SIAH2: variants seen among roughly 807,000 people sequenced by gnomAD.
The protein encoded by SIAH2 is E3 ubiquitin-protein ligase SIAH2.
In SIAH2, 4 loss-of-function variants were observed where a neutral mutation model predicts 20.4. The ratio of observed to expected loss-of-function variants is 0.20; its 90% CI spans 0.10 to 0.45. The LOEUF is 0.45. SIAH2 is among the 20% of genes least tolerant of loss of function. SIAH2 has a pLI of 0.99. For missense variants in SIAH2, 259 were observed against 440.3 expected (o/e 0.59, Z 3.69); for synonymous variants, 171 against 192.5 (o/e 0.89, Z 0.93).
At chr3:150,750,769 G>C (rs1047940769) in intron 1 of SIAH2, among the ~76,000 whole-genome samples, 1 of 152,138 alleles carries the variant, frequency 6.6e-6, no homozygotes, top group African/African-American at 2.4e-5. Flanking sequence ...GAAAACATGA[G>C]CACAGTTGTC....
intron 1 of SIAH2, among the ~76,000 whole-genome samples, chr3:150,753,351 C>T (rs1329640450): frequency 6.6e-6 from 1 of 152,200 alleles, no homozygotes; most frequent in African/African-American, 2.4e-5. Flanking sequence ...GCGGCCAACT[C>T]TGGCCTGACA....
intron 1 of SIAH2, among the ~76,000 whole-genome samples, chr3:150,749,316 T>C (rs563828542): frequency 5.1e-4 from 77 of 151,404 alleles, no homozygotes; most frequent in African/African-American, 1.8e-3. Context: ...CTGGGCAACA[T>C]AGGGAGACCC....
At chr3:150,761,759 A>G (rs1414179994) in intron 1 of SIAH2, among the ~76,000 whole-genome samples, 2 of 152,152 alleles carry the variant, frequency 1.3e-5, no homozygotes, top group Non-Finnish European at 1.5e-5. Flanking sequence ...AACTGTAACA[A>G]CAGCTCTTGA....
intron 1 of SIAH2, among the ~76,000 whole-genome samples, chr3:150,753,101 G>A (rs932858412): frequency 4.6e-5 from 7 of 152,216 alleles, no homozygotes; most frequent in Admixed American, 3.3e-4. Flanking sequence ...TCAACATGCA[G>A]CTGGTGCCAC....
chr3:150,750,344 T>C (rs1285913466), intron 1 of SIAH2, among the ~76,000 whole-genome samples: 1 of 152,220 alleles, frequency 6.6e-6, no homozygotes, highest in African/African-American at 2.4e-5. Flanking sequence ...TAATATTTGT[T>C]GATGAATGAA....
At chr3:150,744,665 G>A (rs1026788740) in intron 1 of SIAH2, among the ~76,000 whole-genome samples, 1 of 152,086 alleles carries the variant, frequency 6.6e-6, no homozygotes, top group Non-Finnish European at 1.5e-5. Flanking sequence ...ATAGCCCAGA[G>A]CCTGGCAGAG....
chr3:150,760,222 A>G (rs1440902962), intron 1 of SIAH2, among the ~76,000 whole-genome samples: 2 of 152,150 alleles, frequency 1.3e-5, no homozygotes, highest in African/African-American at 4.8e-5. Flanking sequence ...TTATTGATCA[A>G]CCAAAGGTGA....
Position 150,762,715 on chromosome 3 carries a change from C to A in SIAH2, c.135G>T (p.Ser45=). ...CCGCCGCCGCGGCGGGCACCGCGGA[C>A]GAGCCGGGGCCCGCAGCCGAGATGG... The part of the protein sequence containing the change: ...AATISAAGPG[S]SAVPAAAAVI... The change falls in exon 1 of 2, where the codon TCG becomes TCT. Residue 45 remains serine, a synonymous_variant. Coordinates refer to ENST00000312960, the MANE Select transcript of SIAH2 (RefSeq NM_005067.7). The surrounding 1 kb of genome is among the most constrained non-coding windows in gnomAD (Gnocchi z 6.6). The A allele has an allele frequency of 1.6e-6, 2 of 1,215,270 alleles. No homozygotes were observed. Among genetic ancestry groups the A allele is most frequent in the South Asian group, 3.9e-5 (1 of 25,930 alleles). 75.3% of individuals were successfully genotyped at this position (1,215,270 alleles called of 1,614,324 possible).
At chr3:150,745,685 C>A (rs1187629781) in intron 1 of SIAH2, among the ~76,000 whole-genome samples, 1 of 151,984 alleles carries the variant, frequency 6.6e-6, no homozygotes, top group African/African-American at 2.4e-5. Flanking sequence ...TTAGTAGAGA[C>A]GGGGTCTCAC....
In SIAH2 at chr3:150,762,857, C is replaced by A; in HGVS notation, c.-8G>T. On this transcript the variant is annotated 5_prime_UTR_variant, in exon 1 of 2. Transcript: ENST00000312960. This position sits in a 1 kb window ranked among gnomAD's most constrained non-coding sequence, Gnocchi z 6.6. ...GGAGGACGGGCGGCTCATCGCGCTCCGAACCAACCATGGAACTGCGGGCGC... is the reference window on the plus strand; with the variant it reads ...GGAGGACGGGCGGCTCATCGCGCTCAGAACCAACCATGGAACTGCGGGCGC... The A allele has an allele frequency of 8.3e-7, 1 of 1,202,582 alleles. No homozygotes were observed. Among genetic ancestry groups the A allele is most frequent in the Non-Finnish European group, 1.0e-6 (1 of 955,626 alleles). The allele number at this position is 1,202,582 out of a possible 1,614,324, so 74.5% of individuals were successfully genotyped here.
rs1436235778 is a variant in SIAH2, at chr3:150,762,664, G to C, written c.186C>G (p.Gly62=). 9.6e-6 allele frequency: 13 copies of C among 1,348,850 alleles called. No homozygotes were observed. Among genetic ancestry groups the C allele is most frequent in the South Asian group, 5.3e-5 (3 of 56,754 alleles). 83.6% of individuals were successfully genotyped at this position (1,348,850 alleles called of 1,614,324 possible). ...GCTGCGGGGACACCGGGCCGGCCCC[G>C]CCGCCGCCGCCGGGGCCCGAGATCA... is the stretch of plus-strand genomic sequence containing the variant. ...AAVISGPGGG[G]GAGPVSPQHH... is the part of the protein sequence containing the mutation. Residue 62 remains glycine, a synonymous_variant, in exon 1 of 2, where the codon GGC becomes GGG. Coordinates refer to ENST00000312960, the MANE Select transcript of SIAH2 (RefSeq NM_005067.7). The surrounding 1 kb of genome is among the most constrained non-coding windows in gnomAD (Gnocchi z 6.6).
chr3:150,755,061 T>A (rs1316469663), intron 1 of SIAH2, among the ~76,000 whole-genome samples: 1 of 152,128 alleles, frequency 6.6e-6, no homozygotes, highest in East Asian at 1.9e-4. Flanking sequence ...CTGGGCTGTG[T>A]CAGGCACTTT....
chr3:150,759,539 A>G (rs1025923947), intron 1 of SIAH2, among the ~76,000 whole-genome samples: 7 of 152,176 alleles, frequency 4.6e-5, no homozygotes, highest in Non-Finnish European at 1.5e-5. Flanking sequence ...AATCTTGAGT[A>G]TACACTCAGA....
In SIAH2 at chr3:150,762,296, G is replaced by A. The variant is rs1714633797; in HGVS notation, c.417+137C>T. 6.9e-7 allele frequency: 1 copy of A among 1,456,868 alleles called. No individual in the cohort carries two copies. Among genetic ancestry groups the A allele is most frequent in the African/African-American group, 1.4e-5 (1 of 69,602 alleles). 90.2% of individuals were successfully genotyped at this position (1,456,868 alleles called of 1,614,324 possible). A position where few individuals can be genotyped will look rare whatever the true frequency, so the allele number is the denominator to read the frequency against. ...CCCAAAGTGGGCTTGAGGGAGGGTG[G>A]ACGAAGTGTAAACATTTTTTCTTTT... is the stretch of plus-strand genomic sequence containing the variant. On this transcript the variant is annotated intron_variant, in intron 1 of 1. Transcript: ENST00000312960. This position sits in a 1 kb window ranked among gnomAD's most constrained non-coding sequence, Gnocchi z 6.6.
rs1018090686 is a variant in SIAH2, at chr3:150,762,024, C to G, written c.417+409G>C. The G allele has an allele frequency of 5.0e-5, 11 of 221,484 alleles. No homozygotes were observed. The highest frequency in any genetic ancestry group is 1.0e-4 in the South Asian group (2 of 19,406). The allele number at this position is 221,484 out of a possible 1,614,324, so 13.7% of individuals were successfully genotyped here. ...ACTCCAATTATCAATTCAGCCGAGC[C>G]CAGCGCTGGTAAAGGGGGCGTTTAG... On this transcript the variant is annotated intron_variant, in intron 1 of 1. Coordinates refer to ENST00000312960, the MANE Select transcript of SIAH2 (RefSeq NM_005067.7). The surrounding 1 kb of genome is among the most constrained non-coding windows in gnomAD (Gnocchi z 6.6).
chr3:150,759,928 T>C (rs911569179), intron 1 of SIAH2, among the ~76,000 whole-genome samples: 8 of 152,174 alleles, frequency 5.3e-5, no homozygotes, highest in Non-Finnish European at 8.8e-5. Flanking sequence ...TCTGGTACTT[T>C]ATTCAACGTT....
chr3:150,750,895 C>T (rs1714342409), intron 1 of SIAH2, among the ~76,000 whole-genome samples: 1 of 152,144 alleles, frequency 6.6e-6, no homozygotes, highest in Admixed American at 6.5e-5. Flanking sequence ...ACCAAATCAC[C>T]TATGAGTGGG....
chr3:150,745,415 A>T (rs1459694617), intron 1 of SIAH2, among the ~76,000 whole-genome samples: 2 of 152,100 alleles, frequency 1.3e-5, no homozygotes, highest in African/African-American at 4.8e-5. Context: ...TGAATTCCCC[A>T]AGACTGTATG....
At chr3:150,748,977 T>C (rs889293621) in intron 1 of SIAH2, among the ~76,000 whole-genome samples, 2 of 152,120 alleles carry the variant, frequency 1.3e-5, no homozygotes, top group Admixed American at 6.6e-5. Context: ...TGTGCTATGA[T>C]TATATAAGAA....
Sources: gnomAD v4.1 joint callset for allele counts (sites outside exome capture counted in the v4.1 genomes callset) on GRCh38, gnomAD v4.1.1 for gene constraint, Gnocchi (gnomAD v3.1) non-coding constraint, MANE v1.5 for transcripts, NCBI Gene and HGNC (gene_info 2026-07-23, HGNC 2026-07-21) for gene names.